Variants in SYK observed in about 807,000 individuals in gnomAD.
SYK encodes tyrosine-protein kinase SYK.
Under a neutral mutation model 77.8 loss-of-function variants are expected in SYK, and 16 were observed. That is an observed-to-expected ratio of 0.21 (90% CI 0.14 to 0.31). SYK has a LOEUF of 0.31. SYK is among the 10% of genes least tolerant of loss of function. The pLI, the probability that SYK is intolerant of heterozygous loss-of-function variation, is 1.00. For synonymous variants in SYK, 312 were observed against 308.7 expected (o/e 1.01, Z -0.11); for missense variants, 529 against 814.4 (o/e 0.65, Z 4.26).
At chr9:90,845,058 C>T (rs1003078953) in intron 2 of SYK, among the ~76,000 whole-genome samples, 5 of 152,174 alleles carry the variant, frequency 3.3e-5, no homozygotes, top group Non-Finnish European at 7.3e-5. Flanking sequence ...GCCTCAGCCT[C>T]CCAAGTAGCT....
chr9:90,853,607 A>C (rs1270768689), intron 3 of SYK, among the ~76,000 whole-genome samples: 1 of 152,148 alleles, frequency 6.6e-6, no homozygotes, highest in Non-Finnish European at 1.5e-5. Context: ...CATTCTCAGT[A>C]AACTATCGCA....
At chr9:90,893,932 T>C (rs996149457) in intron 13 of SYK, among the ~76,000 whole-genome samples, 1 of 152,204 alleles carries the variant, frequency 6.6e-6, no homozygotes, top group Non-Finnish European at 1.5e-5. Context: ...GCAAGGGCAC[T>C]GCATCACCCT....
In SYK at chr9:90,835,593, G is replaced by A. The variant is rs149732104; in HGVS notation, c.-41-8265G>A. On this transcript the variant is annotated intron_variant, in intron 1 of 13. Transcript: ENST00000375754. ...GCACAGTTGGAAGACGGGAAATGGA[G>A]GAGGAGAGATGGGGAAGGAGAGATG... Among the ~76,000 whole-genome samples, 416 of 152,334 alleles carry A rather than the reference G, an allele frequency of 2.7e-3. 2 individuals are homozygous for A. The highest frequency in any genetic ancestry group is 0.01 in the Middle Eastern group (3 of 294).
chr9:90,857,434 T>C (rs924511524), intron 3 of SYK, among the ~76,000 whole-genome samples: 2 of 152,304 alleles, frequency 1.3e-5, no homozygotes, highest in East Asian at 3.9e-4. Context: ...TCCACCTTCA[T>C]GAACTAAAGC....
At position 90,885,144 on chromosome 9, in the gene SYK, A is replaced by G. The variant is rs527664493; in HGVS notation, c.1582-2605A>G. 5.3e-5 allele frequency among the ~76,000 whole-genome samples: 8 copies of G among 151,998 alleles called. No individual in the cohort carries two copies. The South Asian group carries it at 1.7e-3, about 31-fold the overall frequency. ...AAAGCAAGGAAATATGATACCTCCA[A>G]AGGAACACACAATTCTCCAGCAAAA... On this transcript the variant is annotated intron_variant, in intron 11 of 13. Transcript: ENST00000375754.
intron 4 of SYK, among the ~76,000 whole-genome samples, chr9:90,864,144 G>A (rs73506040): frequency 0.025 from 3,779 of 152,220 alleles, 73 homozygotes; most frequent in South Asian, 0.048. Context: ...GCTATTTCAC[G>A]GAGAGTTGGT....
chr9:90,864,973 T>C (rs1286871428), intron 5 of SYK, 75 bp from the exon 6 acceptor site: 29 of 1,414,834 alleles, frequency 2.0e-5, no homozygotes, highest in African/African-American at 2.8e-5. Context: ...ATCTCATTGA[T>C]TGATCTGCAG....
chr9:90,854,393 AG>A (rs1826940346), intron 3 of SYK, among the ~76,000 whole-genome samples: 1 of 152,128 alleles, frequency 6.6e-6, no homozygotes, highest in Non-Finnish European at 1.5e-5. Flanking sequence ...TGTGAGCCTC[AG>A]CGATCTGAGA....
chr9:90,871,399 T>TA (rs1827721448), intron 7 of SYK, among the ~76,000 whole-genome samples: 3 of 152,238 alleles, frequency 2.0e-5, no homozygotes, highest in African/African-American at 7.2e-5. Context: ...TTAATAGTAA[T>TA]GTAGACCGGA....
At chr9:90,886,286 T>G (rs1361048406) in intron 11 of SYK, among the ~76,000 whole-genome samples, 1 of 152,186 alleles carries the variant, frequency 6.6e-6, no homozygotes, top group Non-Finnish European at 1.5e-5. Context: ...CTAGAATGGC[T>G]GTTATTAAAA....
intron 3 of SYK, among the ~76,000 whole-genome samples, chr9:90,846,397 A>G (rs567520547): frequency 6.6e-6 from 1 of 152,324 alleles, no homozygotes; most frequent in East Asian, 1.9e-4. Context: ...TGGTTTGGCA[A>G]TTGGTGAATC....
intron 11 of SYK, among the ~76,000 whole-genome samples, chr9:90,882,640 T>C (rs938767742): frequency 2.6e-5 from 4 of 152,252 alleles, no homozygotes; most frequent in Non-Finnish European, 5.9e-5. Context: ...ATAATTGACC[T>C]GGGTGGAGAA....
chr9:90,867,344 C>A, intron 7 of SYK, 145 bp downstream of exon 7: 1 of 799,514 alleles, frequency 1.3e-6, no homozygotes, highest in Non-Finnish European at 2.1e-6. Flanking sequence ...TTGCTCACAC[C>A]TGCTGTTCCT....
intron 13 of SYK, among the ~76,000 whole-genome samples, chr9:90,893,062 C>T (rs1246347993): frequency 1.3e-5 from 2 of 152,202 alleles, no homozygotes; most frequent in African/African-American, 4.8e-5. Context: ...CAGGCTGCCA[C>T]CCCAGGTGCA....
At chr9:90,808,461 G>GCT in intron 1 of SYK, among the ~76,000 whole-genome samples, 1 of 142,914 alleles carries the variant, frequency 7.0e-6, no homozygotes, top group East Asian at 2.0e-4. Context: ...GTGTGTGTTG[G>GCT]TTTTTTTTTT....
In SYK at chr9:90,841,306, TTGTG is replaced by T. The variant is rs557737291; in HGVS notation, c.-41-2549_-41-2546del. ...GTTATGTGTGTAATGTGTATGTAGT[TTGTG>T]TGCTGCACGTAGTGTGTTGTGTGTA... is the stretch of plus-strand genomic sequence containing the variant. On this transcript the variant is annotated intron_variant, in intron 1 of 13. Coordinates refer to ENST00000375754, the MANE Select transcript of SYK (RefSeq NM_003177.7). Among the ~76,000 whole-genome samples the T allele has an allele frequency of 4.1e-3, 618 of 149,590 alleles. 6 individuals carry two copies. The highest frequency in any genetic ancestry group is 0.014 in the African/African-American group (574 of 40,344).
chr9:90,841,355 A>G (rs957972680), intron 1 of SYK, among the ~76,000 whole-genome samples: 1 of 78,866 alleles, frequency 1.3e-5, no homozygotes, highest in Non-Finnish European at 3.0e-5. Flanking sequence ...TAGTTTGTGT[A>G]TACTGTGTGT....
chr9:90,860,257 A>C (rs1253917734), intron 3 of SYK, among the ~76,000 whole-genome samples: 5 of 152,248 alleles, frequency 3.3e-5, no homozygotes, highest in African/African-American at 1.2e-4. Flanking sequence ...TTTCAAGGCC[A>C]ACTTTTATAG....
chr9:90,844,513 G>A (rs1038958031), intron 2 of SYK, among the ~76,000 whole-genome samples, 198 bp downstream of exon 2: 2 of 152,238 alleles, frequency 1.3e-5, no homozygotes, highest in Non-Finnish European at 2.9e-5. Flanking sequence ...AGCTGAGAGG[G>A]TGGGTCCCTT....
Sources: allele counts gnomAD v4.1 joint callset (sites outside exome capture counted in the v4.1 genomes callset), GRCh38; gene constraint gnomAD v4.1.1; transcripts MANE v1.5; gene names NCBI Gene and HGNC (gene_info 2026-07-23, HGNC 2026-07-21).